Variants in MECOM observed in about 807,000 individuals in gnomAD.
MECOM encodes histone-lysine N-methyltransferase MECOM.
Under a neutral mutation model 116.3 loss-of-function variants are expected in MECOM, and 13 were observed. That is an observed-to-expected ratio of 0.11 (90% CI 0.07 to 0.18). The LOEUF is 0.18. MECOM is among the 10% of genes least tolerant of loss of function. The pLI is 1.00. For synonymous variants in MECOM, 528 were observed against 535.2 expected (o/e 0.99, Z 0.19); for missense variants, 1,299 against 1,509.0 (o/e 0.86, Z 2.31).
intron 1 of MECOM, among the ~76,000 whole-genome samples, chr3:169,613,256 T>C (rs1769500195): frequency 6.6e-6 from 1 of 152,182 alleles, no homozygotes; most frequent in African/African-American, 2.4e-5. Flanking sequence ...CAGTGTTTGT[T>C]GAGAGGTCAC....
intron 1 of MECOM, among the ~76,000 whole-genome samples, chr3:169,517,897 T>C (rs1756841433): frequency 6.6e-6 from 1 of 152,232 alleles, no homozygotes; most frequent in African/African-American, 2.4e-5. Context: ...GGAATTTACA[T>C]TCCAACAGAG....
At chr3:169,454,474 A>G (rs1746152723) in intron 1 of MECOM, among the ~76,000 whole-genome samples, 1 of 151,452 alleles carries the variant, frequency 6.6e-6, no homozygotes, top group Non-Finnish European at 1.5e-5. Flanking sequence ...CTAAGAATCA[A>G]AAGTACAGTG....
chr3:169,169,734 C>T (rs1373758628), intron 2 of MECOM, among the ~76,000 whole-genome samples: 1 of 152,098 alleles, frequency 6.6e-6, no homozygotes, highest in Non-Finnish European at 1.5e-5. Context: ...ACTTCAACTT[C>T]CTGGTTAACC....
At chr3:169,405,508 C>T (rs1340562984) in intron 1 of MECOM, among the ~76,000 whole-genome samples, 2 of 152,132 alleles carry the variant, frequency 1.3e-5, no homozygotes, top group African/African-American at 2.4e-5. Flanking sequence ...GCAGCTTGTG[C>T]GATGGGGAGA....
chr3:169,512,039 G>A (rs555118048), intron 1 of MECOM, among the ~76,000 whole-genome samples: 1 of 152,228 alleles, frequency 6.6e-6, no homozygotes, highest in African/African-American at 2.4e-5. Flanking sequence ...AACTGCTTGG[G>A]CCTCATTTGT....
intron 1 of MECOM, among the ~76,000 whole-genome samples, chr3:169,639,811 A>C (rs1275551378): frequency 6.6e-6 from 1 of 152,250 alleles, no homozygotes; most frequent in South Asian, 2.1e-4. Flanking sequence ...ATAAGTATCT[A>C]TACCTATGAC....
chr3:169,606,427 A>G (rs1217558640), intron 1 of MECOM, among the ~76,000 whole-genome samples: 1 of 151,964 alleles, frequency 6.6e-6, no homozygotes, highest in Non-Finnish European at 1.5e-5. Context: ...AAAAAAAGAA[A>G]AAGAAATGAA....
intron 1 of MECOM, among the ~76,000 whole-genome samples, chr3:169,408,401 C>A (rs547793429): frequency 6.6e-6 from 1 of 152,188 alleles, no homozygotes; most frequent in Non-Finnish European, 1.5e-5. Context: ...TAAATAGCAA[C>A]CCAGTCCCAC....
chr3:169,141,769 T>C (rs1287801042), intron 3 of MECOM, among the ~76,000 whole-genome samples: 3 of 151,994 alleles, frequency 2.0e-5, no homozygotes, highest in Non-Finnish European at 4.4e-5. Flanking sequence ...CTGACTTTCC[T>C]CCCTTGTTGT....
intron 2 of MECOM, among the ~76,000 whole-genome samples, chr3:169,323,596 A>G (rs964994737): frequency 1.3e-5 from 2 of 152,204 alleles, no homozygotes; most frequent in African/African-American, 4.8e-5. Flanking sequence ...TTTCAGTAAA[A>G]GAACATGTAA....
intron 1 of MECOM, among the ~76,000 whole-genome samples, chr3:169,568,363 GAC>G (rs1386994308): frequency 1.3e-5 from 2 of 151,970 alleles, no homozygotes; most frequent in Admixed American, 6.5e-5. Context: ...GAACCTCCGA[GAC>G]AGAACTGTTC....
rs987104324 is a variant in MECOM at position 169,540,090 on chromosome 3, G to A, written c.37+123246C>T. 1.6e-4 allele frequency among the ~76,000 whole-genome samples: 25 copies of A among 152,118 alleles called. No homozygotes were observed. The East Asian group carries it at 2.7e-3, about 17-fold the overall frequency. ...GTACGCTCTCTCTTCCTGTGCCAAG[G>A]ACTCCCACATCTGAATCTTCAGGCC... On this transcript the variant is annotated intron_variant, in intron 1 of 16. Transcript: ENST00000651503.
chr3:169,588,439 C>T (rs1766015943), intron 1 of MECOM, among the ~76,000 whole-genome samples: 1 of 152,162 alleles, frequency 6.6e-6, no homozygotes, highest in Non-Finnish European at 1.5e-5. Flanking sequence ...ATTAAAAGTT[C>T]TGTCATCCTG....
Position 169,115,527 on chromosome 3 carries a change from C to T in MECOM, c.2345G>A (p.Arg782Lys), listed in dbSNP as rs754832584. The change falls in exon 8 of 17, where the codon AGA (arginine) becomes AAA (lysine). Residue 782 changes from arginine to lysine, a missense_variant. Transcript: ENST00000651503. ...CTCAGTCAGCTTTGTCCCACTGGCT[C>T]TACTCCTACTGCCCATACTTAGATC... ...PLDLSMGSRSRASGTKLTEPR... is the reference protein window; with the variant it reads ...PLDLSMGSRSKASGTKLTEPR... 6.2e-7 allele frequency: 1 copy of T among 1,614,148 alleles called. No homozygotes were observed. The highest frequency in any genetic ancestry group is 1.1e-5 in the South Asian group (1 of 91,080).
At chr3:169,651,763 T>C (rs949002126) in intron 1 of MECOM, among the ~76,000 whole-genome samples, 2 of 152,034 alleles carry the variant, frequency 1.3e-5, no homozygotes, top group Non-Finnish European at 2.9e-5. Context: ...ATATCACTAG[T>C]ACCCCAGTAA....
At chr3:169,399,445 C>T (rs1300626027) in intron 1 of MECOM, among the ~76,000 whole-genome samples, 1 of 152,174 alleles carries the variant, frequency 6.6e-6, no homozygotes, top group Middle Eastern at 3.2e-3. Context: ...AGTGACGTGT[C>T]AACTTTTCTT....
intron 1 of MECOM, among the ~76,000 whole-genome samples, chr3:169,509,900 A>T (rs1413301009): frequency 6.6e-6 from 1 of 152,356 alleles, no homozygotes; most frequent in East Asian, 1.9e-4. Flanking sequence ...ACTCAAAGGC[A>T]GCCGGTCAGC....
At chr3:169,114,142 C>T (rs1329313763) in intron 8 of MECOM, among the ~76,000 whole-genome samples, 1 of 151,718 alleles carries the variant, frequency 6.6e-6, no homozygotes, top group Non-Finnish European at 1.5e-5. Context: ...GGAAATACGA[C>T]TTTACCCGAA....
intron 2 of MECOM, among the ~76,000 whole-genome samples, chr3:169,378,595 TAAG>T (rs1560198913): frequency 7.9e-6 from 1 of 125,976 alleles, no homozygotes; most frequent in Non-Finnish European, 1.8e-5. Context: ...AGTAAGTAAG[TAAG>T]TTTGGGGACT....
Sources: allele counts gnomAD v4.1 joint callset (sites outside exome capture counted in the v4.1 genomes callset), GRCh38; gene constraint gnomAD v4.1.1; transcripts MANE v1.5; gene names NCBI Gene and HGNC (gene_info 2026-07-23, HGNC 2026-07-21).